ANKRD44: variants seen among roughly 807,000 people sequenced by gnomAD.
The protein encoded by ANKRD44 is ankyrin repeat domain 44.
ANKRD44 carries 35 observed loss-of-function variants against 116.0 expected under a neutral mutation model. The ratio of observed to expected loss-of-function variants is 0.30; its 90% CI spans 0.23 to 0.40. ANKRD44 has a LOEUF of 0.40. Ranked by LOEUF, ANKRD44 falls within the 10% of genes least tolerant of loss-of-function variation. The pLI is 1.00. For missense variants in ANKRD44, 1,014 were observed against 1,242.6 expected, an observed-to-expected ratio of 0.82 and a Z score of 2.77; for synonymous variants, 435 against 461.8, an observed-to-expected ratio of 0.94 and a Z score of 0.74.
chr2:197,058,710 AT>A (rs2077251442), intron 16 of ANKRD44, among the ~76,000 whole-genome samples: 1 of 152,210 alleles, frequency 6.6e-6, no homozygotes. Context: ...ATTTCATTCT[AT>A]TTAAAATGCA....
At chr2:197,053,238 C>A (rs2077143989) in intron 16 of ANKRD44, among the ~76,000 whole-genome samples, 1 of 152,096 alleles carries the variant, frequency 6.6e-6, no homozygotes, top group Non-Finnish European at 1.5e-5. Flanking sequence ...ACACCCACAT[C>A]CATTTGCGTA....
At chr2:197,184,405 G>A (rs2080597407) in intron 2 of ANKRD44, among the ~76,000 whole-genome samples, 2 of 152,084 alleles carry the variant, frequency 1.3e-5, no homozygotes, top group Admixed American at 6.5e-5. Context: ...ACTTTGGGAG[G>A]CCGAGGCAGG....
At chr2:197,207,084 G>A (rs570720722) in intron 1 of ANKRD44, among the ~76,000 whole-genome samples, 14 of 152,216 alleles carry the variant, frequency 9.2e-5, no homozygotes, top group South Asian at 4.2e-4. Context: ...AAATGTGGCC[G>A]TGCACTAAAT....
intron 16 of ANKRD44, among the ~76,000 whole-genome samples, chr2:197,062,601 A>T (rs2077340197): frequency 6.6e-6 from 1 of 152,192 alleles, no homozygotes; most frequent in Non-Finnish European, 1.5e-5. Context: ...GCACCTGGAA[A>T]ATCGGGTCAC....
At position 196,988,167 on chromosome 2, in the gene ANKRD44, G is replaced by C. The variant is rs762103257; in HGVS notation, c.*1424C>G. The C allele has an allele frequency of 2.1e-5, 21 of 985,286 alleles. No homozygotes were observed. The highest frequency in any genetic ancestry group is 2.2e-5 in the Non-Finnish European group (18 of 829,932). 61.0% of individuals were successfully genotyped at this position (985,286 alleles called of 1,614,324 possible). ...TTCTTGTACTCTCTGCTACACGACA[G>C]GAAAAATGTTAACGCTGCTTTGCCA... is the stretch of plus-strand genomic sequence containing the variant. On this transcript the variant is annotated 3_prime_UTR_variant, in exon 28 of 28. Transcript: ENST00000282272.
intron 1 of ANKRD44, among the ~76,000 whole-genome samples, chr2:197,242,233 TAAAC>T (rs995813613): frequency 3.3e-5 from 5 of 152,300 alleles, no homozygotes; most frequent in African/African-American, 4.8e-5. Flanking sequence ...TACTAATTGA[TAAAC>T]AGTACAGAAA....
intron 2 of ANKRD44, among the ~76,000 whole-genome samples, chr2:197,152,529 C>T (rs1406812125): frequency 6.6e-6 from 1 of 152,206 alleles, no homozygotes; most frequent in Non-Finnish European, 1.5e-5. Context: ...CAAAGATACA[C>T]ACAGCCAGCA....
At chr2:197,184,010 T>G (rs1347434808) in intron 2 of ANKRD44, among the ~76,000 whole-genome samples, 1 of 152,238 alleles carries the variant, frequency 6.6e-6, no homozygotes, top group African/African-American at 2.4e-5. Context: ...TTCTCATTTG[T>G]TGACTTCTCT....
chr2:197,187,379 C>T (rs1375669606), intron 1 of ANKRD44, among the ~76,000 whole-genome samples: 1 of 152,198 alleles, frequency 6.6e-6, no homozygotes, highest in African/African-American at 2.4e-5. Flanking sequence ...CACCACCCAT[C>T]ACTGAAACTT....
At chr2:197,088,880 A>G in intron 11 of ANKRD44, 106 bp from the exon 12 acceptor site, 1 of 1,261,252 alleles carries the variant, frequency 7.9e-7, no homozygotes. Flanking sequence ...GTTAGTAGAA[A>G]AACCAGAATG....
chr2:197,127,220 G>C (rs2078996587), intron 4 of ANKRD44, among the ~76,000 whole-genome samples: 1 of 152,156 alleles, frequency 6.6e-6, no homozygotes, highest in South Asian at 2.1e-4. Context: ...TACTCAGTGA[G>C]TAGTCTCAGT....
At chr2:197,237,330 A>G (rs1419708957) in intron 1 of ANKRD44, among the ~76,000 whole-genome samples, 1 of 152,246 alleles carries the variant, frequency 6.6e-6, no homozygotes, top group African/African-American at 2.4e-5. Flanking sequence ...ATGTTTGGAA[A>G]ACAAATATTT....
rs539689775 is a variant in ANKRD44 at position 196,967,160 on chromosome 2, C to T, written c.*279G>A. On this transcript the variant is annotated 3_prime_UTR_variant, in exon 22 of 22. Coordinates refer to the ANKRD44 transcript ENST00000424317. The stretch of plus-strand genomic sequence containing the variant: ...ATTTCAAAGTGCTCTAGAAATATTA[C>T]CCAGTTCTAATTTCCACAGCCAACA... The T allele has an allele frequency of 2.6e-5, 5 of 195,086 alleles. No individual in the cohort carries two copies. The South Asian group carries it at 4.1e-4, about 16-fold the overall frequency. 12.1% of individuals were successfully genotyped at this position (195,086 alleles called of 1,614,324 possible). A position where few individuals can be genotyped will look rare whatever the true frequency, so the allele number is the denominator to read the frequency against.
chr2:197,048,904 G>A (rs1015696291), intron 16 of ANKRD44, among the ~76,000 whole-genome samples: 2 of 152,298 alleles, frequency 1.3e-5, no homozygotes, highest in South Asian at 2.1e-4. Flanking sequence ...GTATCTCATT[G>A]TGGTTTTGAT....
intron 27 of ANKRD44, 123 bp downstream of exon 27, chr2:196,993,460 G>T: frequency 1.3e-6 from 1 of 750,082 alleles, no homozygotes; most frequent in Non-Finnish European, 2.2e-6. Flanking sequence ...CTCACACACA[G>T]GACTTCCAAG....
chr2:197,234,505 C>G (rs895815319), intron 1 of ANKRD44, among the ~76,000 whole-genome samples: 1 of 152,208 alleles, frequency 6.6e-6, no homozygotes, highest in Non-Finnish European at 1.5e-5. Context: ...CCACAGGCAT[C>G]TCTTATTTTG....
intron 16 of ANKRD44, among the ~76,000 whole-genome samples, chr2:197,062,319 G>A (rs1421292697): frequency 6.6e-6 from 1 of 152,146 alleles, no homozygotes; most frequent in Non-Finnish European, 1.5e-5. Flanking sequence ...GGTCACCAAA[G>A]GTATTCTGAT....
At chr2:197,266,387 AAG>A (rs969534906) in intron 1 of ANKRD44, among the ~76,000 whole-genome samples, 5 of 152,176 alleles carry the variant, frequency 3.3e-5, no homozygotes, top group African/African-American at 1.2e-4. Context: ...TTACATCCTT[AAG>A]AGAGCCAGTT....
chr2:196,992,654 T>G (rs947629095), intron 27 of ANKRD44: 1 of 152,686 alleles, frequency 6.5e-6, no homozygotes, highest in African/African-American at 2.4e-5. Flanking sequence ...AATAGGGAAC[T>G]TTCTGCACTT....
Sources: gnomAD v4.1 joint callset for allele counts (sites outside exome capture counted in the v4.1 genomes callset) on GRCh38, gnomAD v4.1.1 for gene constraint, MANE v1.5 for transcripts, NCBI Gene and HGNC (gene_info 2026-07-23, HGNC 2026-07-21) for gene names.